The following SYNJ2 variants were observed in gnomAD, a reference collection of about 807,000 sequenced individuals.
SYNJ2 encodes synaptojanin 2, also known as polyphosphatidylinositol phosphatase SYNJ2.
In SYNJ2, 116 loss-of-function variants were observed where a neutral mutation model predicts 141.3. The ratio of observed to expected loss-of-function variants is 0.82; its 90% confidence interval spans 0.71 to 0.96. The LOEUF (loss-of-function observed/expected upper bound fraction) is 0.96. Ranked by LOEUF, SYNJ2 falls within the 40% of genes least tolerant of loss-of-function variation. SYNJ2 has a pLI of 0.00. For synonymous variants in SYNJ2, 745 were observed against 777.7 expected (o/e 0.96, Z 0.70); for missense variants, 1,873 against 1,934.8 (o/e 0.97, Z 0.60).
intron 22 of SYNJ2, among the ~76,000 whole-genome samples, chr6:158,086,253 T>C (rs1383397916): frequency 6.6e-6 from 1 of 152,136 alleles, no homozygotes; most frequent in Non-Finnish European, 1.5e-5. Flanking sequence ...GCTGCTGATT[T>C]GATCTGTAAG....
chr6:158,025,979 G>GCATACATA (rs147538629), intron 2 of SYNJ2, among the ~76,000 whole-genome samples: 4,343 of 133,904 alleles, frequency 0.032, 135 homozygotes, highest in African/African-American at 0.093. Context: ...AATAATACAT[G>GCATACATA]CATACATACA....
intron 1 of SYNJ2, among the ~76,000 whole-genome samples, chr6:157,990,197 G>A (rs1336188442): frequency 6.6e-6 from 1 of 152,248 alleles, no homozygotes; most frequent in African/African-American, 2.4e-5. Context: ...CCAGGCCGCA[G>A]GAGGTGGGAT....
Position 158,007,548 on chromosome 6 carries a change from A to G in SYNJ2, c.128-9656A>G, listed in dbSNP as rs75003922. Among the ~76,000 whole-genome samples, 14 of 152,328 alleles carry G rather than the reference A, an allele frequency of 9.2e-5. No individual in the cohort carries two copies. In the East Asian group the frequency reaches 2.7e-3, roughly 29 times the overall value. On this transcript the variant is annotated intron_variant, in intron 1 of 26. Transcript: ENST00000355585. The stretch of plus-strand genomic sequence containing the variant: ...CTCATATCCCATAACCAATCTGTCC[A>G]TGGTTCCACCTTCAAAATATACCCA...
In SYNJ2 at chr6:158,084,208, C is replaced by G. The variant is rs775339506; in HGVS notation, c.3208+34C>G. On this transcript the variant is annotated intron_variant, in intron 22 of 26. Transcript: ENST00000355585. The surrounding 1 kb of genome is among the most constrained non-coding windows in gnomAD (Gnocchi z 5.0). ...ACCCTTCTTTTCTCAGGAGCCTCAG[C>G]GATGGAGTCAGCTCAGGACAGACTT... is the stretch of plus-strand genomic sequence containing the variant. 6.2e-6 allele frequency: 10 copies of G among 1,602,648 alleles called. No homozygotes were observed. The highest frequency in any genetic ancestry group is 8.5e-6 in the Non-Finnish European group (10 of 1,173,702).
rs147528121 is a variant in SYNJ2 at position 158,095,987 on chromosome 6, C to T, written c.4114C>T (p.Pro1372Ser). The stretch of plus-strand genomic sequence containing the variant: ...CAGTGACAGCCCCTCTGGGCACCCA[C>T]CTGCCGCGGGCACCGTCTTCCCACA... ...NSSDSPSGHPPAAGTVFPQGD... is the reference protein window; with the variant it reads ...NSSDSPSGHPSAAGTVFPQGD... Residue 1372 changes from proline (P) to serine (S), a missense_variant, in exon 27 of 27, where the codon CCT (proline) becomes TCT (serine). Coordinates refer to ENST00000355585, the MANE Select transcript of SYNJ2 (RefSeq NM_003898.4). 17 of 1,614,090 alleles carry T rather than the reference C, an allele frequency of 1.1e-5. 1 individual carries two copies. Among genetic ancestry groups the T allele is most frequent in the South Asian group, 8.8e-5 (8 of 91,086 alleles).
rs182659936 is a variant in SYNJ2 at position 158,039,857 on chromosome 6, G to A, written c.712-3459G>A. ...AGGTGAGCCCCTTGTGGTGCCGCCC[G>A]CAGGTCACACTGGCCTGGGGCCCCT... On this transcript the variant is annotated intron_variant, in intron 4 of 26. Transcript: ENST00000355585. 7.8e-3 allele frequency among the ~76,000 whole-genome samples: 1,185 copies of A among 152,298 alleles called. 6 individuals carry two copies. The highest frequency in any genetic ancestry group is 0.012 in the Non-Finnish European group (787 of 68,030).
At chr6:157,990,124 C>G (rs9365674) in intron 1 of SYNJ2, among the ~76,000 whole-genome samples, 1 of 152,158 alleles carries the variant, frequency 6.6e-6, no homozygotes, top group Non-Finnish European at 1.5e-5. Flanking sequence ...AAAGGTGACT[C>G]GGAGCAGCGG....
intron 1 of SYNJ2, among the ~76,000 whole-genome samples, chr6:158,004,438 C>A (rs141202720): frequency 3.9e-5 from 6 of 152,294 alleles, no homozygotes; most frequent in Admixed American, 1.3e-4. Context: ...GAGACACTCG[C>A]ACCAGCACCA....
intron 2 of SYNJ2, among the ~76,000 whole-genome samples, chr6:158,018,344 G>A (rs1778581893): frequency 6.6e-6 from 1 of 152,188 alleles, no homozygotes; most frequent in African/African-American, 2.4e-5. Flanking sequence ...CATCTCTTGT[G>A]ACTTCTGGGG....
At chr6:158,068,003 A>G (rs913259811) in intron 12 of SYNJ2, 11 of 985,176 alleles carry the variant, frequency 1.1e-5, no homozygotes, top group Non-Finnish European at 1.3e-5. Context: ...GGTATTTTGC[A>G]GGGGATTTTT....
Position 158,084,317 on chromosome 6 carries a change from G to T in SYNJ2, c.3208+143G>T, listed in dbSNP as rs534167886. On this transcript the variant is annotated intron_variant, in intron 22 of 26. Coordinates refer to ENST00000355585, the MANE Select transcript of SYNJ2 (RefSeq NM_003898.4). The surrounding 1 kb of genome is among the most constrained non-coding windows in gnomAD (Gnocchi z 5.0). ...GACCTCAACCAGGCAGGCCAAGCGA[G>T]GGGTAGGGACTGAGCCCTGTGGAGG... 2.2e-5 allele frequency: 20 copies of T among 913,282 alleles called. No homozygotes were observed. The East Asian group carries it at 4.6e-4, about 21-fold the overall frequency. 56.6% of individuals were successfully genotyped at this position (913,282 alleles called of 1,614,324 possible). A position where few individuals can be genotyped will look rare whatever the true frequency, so the allele number is the denominator to read the frequency against.
intron 1 of SYNJ2, among the ~76,000 whole-genome samples, chr6:157,991,683 A>G (rs1011323404): frequency 5.9e-5 from 9 of 152,234 alleles, no homozygotes; most frequent in Non-Finnish European, 1.3e-4. Context: ...TAAAGTTATA[A>G]ACCACTCAGA....
intron 5 of SYNJ2, 119 bp from the exon 6 acceptor site, chr6:158,054,848 G>A (rs535026379): frequency 1.1e-6 from 1 of 943,946 alleles, no homozygotes; most frequent in South Asian, 1.5e-5. Context: ...GACCACAGAG[G>A]TGGCCTAGTG....
At chr6:158,017,680 G>T in intron 2 of SYNJ2, 1 of 489,976 alleles carries the variant, frequency 2.0e-6, no homozygotes. Context: ...CTCCCAAAGT[G>T]CTGGGATTAC....
intron 5 of SYNJ2, among the ~76,000 whole-genome samples, chr6:158,053,756 TCCATGCACCCAC>T (rs1235047934): frequency 6.9e-6 from 1 of 144,364 alleles, no homozygotes; most frequent in Non-Finnish European, 1.5e-5. Flanking sequence ...CATCCACCCA[TCCATGCACCCAC>T]CCATCCACCC....
At chr6:157,990,072 G>A (rs1367638357) in intron 1 of SYNJ2, among the ~76,000 whole-genome samples, 3 of 152,206 alleles carry the variant, frequency 2.0e-5, no homozygotes, top group Non-Finnish European at 2.9e-5. Context: ...CTTGGCCCGC[G>A]AGGCTGGCAG....
At position 158,068,675 on chromosome 6, in the gene SYNJ2, T is replaced by C; in HGVS notation, c.1746T>C (p.Ala582=). 1 of 1,614,218 alleles carries C rather than the reference T, an allele frequency of 6.2e-7. No individual in the cohort carries two copies. The highest frequency in any genetic ancestry group is 8.5e-7 in the Non-Finnish European group (1 of 1,180,030). Residue 582 remains alanine (A), a synonymous_variant, in exon 13 of 27, where the codon GCT becomes GCC. Transcript: ENST00000355585. ...QDDSSPADIF[A]VGFEEMVELS... ...ACAGCAGCCCAGCTGACATATTTGC[T>C]GTGGGGTTTGAAGAGATGGTGGAAT...
At chr6:158,082,246 T>C (rs1782739054) in intron 20 of SYNJ2, among the ~76,000 whole-genome samples, 1 of 152,012 alleles carries the variant, frequency 6.6e-6, no homozygotes, top group Non-Finnish European at 1.5e-5. Context: ...CTCAGCACTT[T>C]GGGAGGCTGA....
Position 158,070,204 on chromosome 6 carries a change from A to G in SYNJ2, c.1940+531A>G, listed in dbSNP as rs189576726. The stretch of plus-strand genomic sequence containing the variant: ...GGGTGTTTGGATGCTGGAGGAACTC[A>G]TCTTTTCCCCAGCTTGTGGTTGGCC... On this transcript the variant is annotated intron_variant, in intron 14 of 26. Transcript: ENST00000355585. This position sits in a 1 kb window ranked among gnomAD's most constrained non-coding sequence, Gnocchi z 4.0. 4.1e-6 allele frequency: 4 copies of G among 985,428 alleles called. No homozygotes were observed. Among genetic ancestry groups the G allele is most frequent in the East Asian group, 1.1e-4 (1 of 8,818 alleles). The allele number at this position is 985,428 out of a possible 1,614,324, so 61.0% of individuals were successfully genotyped here. A position where few individuals can be genotyped will look rare whatever the true frequency, so the allele number is the denominator to read the frequency against.
Sources: allele counts gnomAD v4.1 joint callset (sites outside exome capture counted in the v4.1 genomes callset), GRCh38; gene constraint gnomAD v4.1.1; non-coding constraint Gnocchi (gnomAD v3.1); transcripts MANE v1.5; gene names NCBI Gene and HGNC (gene_info 2026-07-23, HGNC 2026-07-21).